Variants in PPARGC1A observed in about 807,000 individuals in gnomAD.
PPARGC1A encodes the protein PPARG coactivator 1 alpha.
A neutral mutation model predicts 88.7 loss-of-function variants in PPARGC1A; 25 were observed. That is an observed-to-expected ratio of 0.28 (90% CI 0.21 to 0.39). The LOEUF (loss-of-function observed/expected upper bound fraction) is 0.39, where lower values mean the gene tolerates loss of function less well. Ranked by LOEUF, PPARGC1A falls within the 10% of genes least tolerant of loss-of-function variation. The pLI, the probability that PPARGC1A is intolerant of heterozygous loss-of-function variation, is 1.00. For missense variants in PPARGC1A, 880 were observed against 968.7 expected (o/e 0.91, Z 1.22); for synonymous variants, 363 against 355.6 (o/e 1.02, Z -0.24).
At position 23,813,860 on chromosome 4, in the gene PPARGC1A, A is replaced by C; in HGVS notation, c.1623T>G (p.Ser541=). The C allele has an allele frequency of 6.2e-7, 1 of 1,614,128 alleles. No homozygotes were observed. Among genetic ancestry groups the C allele is most frequent in the Non-Finnish European group, 8.5e-7 (1 of 1,179,986 alleles). The part of the protein sequence containing the change: ...YSLFNVSPSC[S]SFNSPCRDSV... ...AATCTCTACATGGAGAGTTAAAAGA[A>C]GAACAAGAAGGAGACACATTGAACA... is the stretch of plus-strand genomic sequence containing the variant. The change falls in exon 8 of 13, where the codon TCT becomes TCG. Residue 541 remains serine (S), a synonymous_variant. Transcript: ENST00000264867.
At chr4:24,206,326 T>A in the PPARGC1A span, among the ~76,000 whole-genome samples, 4 of 152,122 alleles carry the variant, frequency 2.6e-5, no homozygotes, top group Non-Finnish European at 5.9e-5. Context: ...ACAAAAATAA[T>A]GAAAACAAGC....
the PPARGC1A span, among the ~76,000 whole-genome samples, chr4:24,374,829 C>T: frequency 2.0e-5 from 3 of 152,100 alleles, no homozygotes; most frequent in East Asian, 5.8e-4. Flanking sequence ...TGAGGAATTG[C>T]CAGACTATTT....
At chr4:24,312,185 C>G in the PPARGC1A span, among the ~76,000 whole-genome samples, 5 of 152,326 alleles carry the variant, frequency 3.3e-5, no homozygotes, top group Admixed American at 1.3e-4. Flanking sequence ...CACCAATGAA[C>G]TTATGACAAC....
At chr4:24,120,960 T>C in the PPARGC1A span, among the ~76,000 whole-genome samples, 1 of 152,202 alleles carries the variant, frequency 6.6e-6, no homozygotes, top group African/African-American at 2.4e-5. Flanking sequence ...GCAAGGTAAT[T>C]GGACTTCTCT....
At chr4:24,195,024 A>G in the PPARGC1A span, among the ~76,000 whole-genome samples, 819 of 152,294 alleles carry the variant, frequency 5.4e-3, 5 homozygotes, top group Non-Finnish European at 7.6e-3. Flanking sequence ...ATCACAGATA[A>G]AACTTGTGTA....
At chr4:24,252,632 A>G in the PPARGC1A span, among the ~76,000 whole-genome samples, 2 of 152,234 alleles carry the variant, frequency 1.3e-5, no homozygotes, top group Admixed American at 6.5e-5. Flanking sequence ...CCAATGGAAT[A>G]TGAGTGAGTG....
chr4:23,942,820 C>A, the PPARGC1A span, among the ~76,000 whole-genome samples: 1 of 152,078 alleles, frequency 6.6e-6, no homozygotes, highest in South Asian at 2.1e-4. Flanking sequence ...CTTCATGCAC[C>A]AATAAACTCT....
At chr4:24,019,821 A>G in the PPARGC1A span, among the ~76,000 whole-genome samples, 1 of 152,188 alleles carries the variant, frequency 6.6e-6, no homozygotes, top group Non-Finnish European at 1.5e-5. Context: ...CCTTTGCTCT[A>G]CATCACCCAC....
At chr4:24,236,724 G>A in the PPARGC1A span, among the ~76,000 whole-genome samples, 1 of 152,118 alleles carries the variant, frequency 6.6e-6, no homozygotes, top group Non-Finnish European at 1.5e-5. Flanking sequence ...TTCTTTAAAT[G>A]TGTACAAATG....
At chr4:24,387,746 A>AAGAGAGAG in the PPARGC1A span, among the ~76,000 whole-genome samples, 1 of 61,120 alleles carries the variant, frequency 1.6e-5, no homozygotes, top group Non-Finnish European at 3.1e-5. Context: ...GAAAGAAAGA[A>AAGAGAGAG]AGAGAGAGAG....
chr4:24,115,683 G>A, the PPARGC1A span, among the ~76,000 whole-genome samples: 4 of 152,112 alleles, frequency 2.6e-5, no homozygotes, highest in Non-Finnish European at 5.9e-5. Context: ...AAATGCAATC[G>A]TTTTCATATA....
At chr4:24,104,327 T>C in the PPARGC1A span, among the ~76,000 whole-genome samples, 1 of 152,186 alleles carries the variant, frequency 6.6e-6, no homozygotes, top group Non-Finnish European at 1.5e-5. Context: ...GAGAGATCTG[T>C]GCAGGTCCTT....
the PPARGC1A span, among the ~76,000 whole-genome samples, chr4:24,130,432 C>T: frequency 6.6e-6 from 1 of 152,188 alleles, no homozygotes; most frequent in Admixed American, 6.5e-5. Context: ...GCCCATCACA[C>T]TTTCAAAGAC....
At chr4:24,305,133 G>GTATATATATATA in the PPARGC1A span, among the ~76,000 whole-genome samples, 8,585 of 142,668 alleles carry the variant, frequency 0.06, 264 homozygotes, top group Middle Eastern at 0.11. Flanking sequence ...ATATGTGTAT[G>GTATATATATATA]TATATATATA....
At chr4:24,122,404 T>C in the PPARGC1A span, among the ~76,000 whole-genome samples, 1 of 138,222 alleles carries the variant, frequency 7.2e-6, no homozygotes, top group Admixed American at 7.4e-5. Context: ...TGTGTGTGTG[T>C]GTGTGTGTGT....
chr4:24,010,934 A>C, the PPARGC1A span, among the ~76,000 whole-genome samples: 3 of 152,204 alleles, frequency 2.0e-5, no homozygotes, highest in East Asian at 5.8e-4. Context: ...GATAATTTTC[A>C]CTTGGCATCA....
At chr4:24,404,684 G>C in the PPARGC1A span, among the ~76,000 whole-genome samples, 2 of 152,160 alleles carry the variant, frequency 1.3e-5, no homozygotes, top group Admixed American at 1.3e-4. Context: ...CGTGGCAAAT[G>C]GTGGCCACTG....
At chr4:24,117,466 T>C in the PPARGC1A span, among the ~76,000 whole-genome samples, 1 of 151,946 alleles carries the variant, frequency 6.6e-6, no homozygotes, top group Non-Finnish European at 1.5e-5. Context: ...ACAAAAAAAC[T>C]TCTGCCCTTT....
At chr4:24,149,678 G>T in the PPARGC1A span, among the ~76,000 whole-genome samples, 44 of 152,236 alleles carry the variant, frequency 2.9e-4, no homozygotes, top group African/African-American at 1.1e-3. Flanking sequence ...TTCCTAAAAT[G>T]GACTTGCAAA....
Sources: gnomAD v4.1 joint callset for allele counts (sites outside exome capture counted in the v4.1 genomes callset) on GRCh38, gnomAD v4.1.1 for gene constraint, MANE v1.5 for transcripts, NCBI Gene and HGNC (gene_info 2026-07-23, HGNC 2026-07-21) for gene names.